Variants in COPB2 observed in about 807,000 individuals in gnomAD.
COPB2 encodes coat protein complex I subunit beta 2.
Under a neutral mutation model 120.8 loss-of-function variants are expected in COPB2, and 16 were observed. That is an observed-to-expected ratio of 0.13 (90% confidence interval 0.09 to 0.20). The LOEUF (loss-of-function observed/expected upper bound fraction) is 0.20, where lower values mean the gene tolerates loss of function less well. Ranked by LOEUF, COPB2 falls within the 10% of genes least tolerant of loss-of-function variation. COPB2 has a pLI of 1.00. For missense variants in COPB2, 794 were observed against 1,076.5 expected, an observed-to-expected ratio of 0.74 and a Z score of 3.67; for synonymous variants, 332 against 366.3, an observed-to-expected ratio of 0.91 and a Z score of 1.07.
At position 139,379,453 on chromosome 3, in the gene COPB2, G is replaced by A. The variant is rs1470639058; in HGVS notation, c.155C>T (p.Thr52Ile). The A allele has an allele frequency of 6.2e-7, 1 of 1,613,588 alleles. No individual in the cohort carries two copies. The highest frequency in any genetic ancestry group is 1.7e-5 in the Admixed American group (1 of 59,944). Residue 52 changes from threonine to isoleucine, a missense_variant, in exon 3 of 22, where the codon ACA (threonine) becomes ATA (isoleucine). Transcript: ENST00000333188. ...AACAGGAAGATCACATACTTCAAAT[G>A]TCTTCACCAGTGTCTTTAAAATGTA... ...WNHETQTLVK[T>I]FEVCDLPVRA...
chr3:139,388,913 G>A (rs1941991498), intron 1 of COPB2, among the ~76,000 whole-genome samples: 1 of 151,598 alleles, frequency 6.6e-6, no homozygotes, highest in Non-Finnish European at 1.5e-5. Context: ...TTAGGGTTAC[G>A]GTGATAATAA....
intron 16 of COPB2, among the ~76,000 whole-genome samples, chr3:139,361,813 G>A (rs1941424277): frequency 6.6e-6 from 1 of 152,170 alleles, no homozygotes; most frequent in Non-Finnish European, 1.5e-5. Context: ...ACAATTGGGA[G>A]CCTCAATATA....
chr3:139,387,211 G>A, intron 1 of COPB2, among the ~76,000 whole-genome samples: 1 of 147,894 alleles, frequency 6.8e-6, no homozygotes, highest in African/African-American at 2.5e-5. Flanking sequence ...ATTCTGTCAA[G>A]AAAGAAAGAA....
In COPB2 at chr3:139,373,333, G is replaced by A; in HGVS notation, c.974C>T (p.Ala325Val). The A allele has an allele frequency of 1.2e-6, 2 of 1,614,074 alleles. No individual in the cohort carries two copies. Among genetic ancestry groups the A allele is most frequent in the Non-Finnish European group, 1.7e-6 (2 of 1,180,024 alleles). ...IWAKHSEVQQ[A>V]NLKAMGDAEI... is the part of the protein sequence containing the mutation. Reference sequence around the variant, plus strand: ...AGCATCTCCCATTGCTTTTAGGTTGGCCTGCTGGACTTCTGAATGCTTGGC... The same window carrying A: ...AGCATCTCCCATTGCTTTTAGGTTGACCTGCTGGACTTCTGAATGCTTGGC... Residue 325 changes from alanine to valine, a missense_variant, in exon 9 of 22, where the codon GCC (alanine) becomes GTC (valine). By Grantham distance (64) the Ala-to-Val change is moderately conservative. Transcript: ENST00000333188.
chr3:139,389,679 TC>T, upstream of COPB2: 1 of 1,021,834 alleles, frequency 9.8e-7, no homozygotes, highest in Non-Finnish European at 1.4e-6. Flanking sequence ...CTCGCGATAG[TC>T]AGAGGCCAGG....
Position 139,383,328 on chromosome 3 carries a change from G to A in COPB2, c.111C>T (p.Gly37=), listed in dbSNP as rs372125796. The change falls in exon 2 of 22, where the codon GGC becomes GGT. Residue 37 remains glycine (G), a synonymous_variant. Coordinates refer to ENST00000333188, the MANE Select transcript of COPB2 (RefSeq NM_004766.3). ...EPWMLASLYN[G]SVCVWNHETQ... ...TTTCATGATTCCAAACACACACACTGCCATTGTAAAGACTTGCCAACATCC... is the reference window on the plus strand; with the variant it reads ...TTTCATGATTCCAAACACACACACTACCATTGTAAAGACTTGCCAACATCC... 2.6e-4 allele frequency: 417 copies of A among 1,613,806 alleles called. No homozygotes were observed. Among genetic ancestry groups the A allele is most frequent in the Non-Finnish European group, 3.4e-4 (406 of 1,179,904 alleles).
At chr3:139,377,865 T>A (rs1941742942) in intron 5 of COPB2, among the ~76,000 whole-genome samples, 176 bp downstream of exon 5, 1 of 152,228 alleles carries the variant, frequency 6.6e-6, no homozygotes, top group Admixed American at 6.5e-5. Flanking sequence ...GCCACAATAT[T>A]TTTCTAAACA....
In COPB2 at chr3:139,379,274, T is replaced by A; in HGVS notation, c.229-101A>T. 1.9e-6 allele frequency: 3 copies of A among 1,555,580 alleles called. No individual in the cohort carries two copies. The South Asian group carries it at 3.5e-5, about 18-fold the overall frequency. ...GGAATAAAGTCTATGCCTCAAAACA[T>A]TGCTGTAAATAACAAAACAAATCGG... On this transcript the variant is annotated intron_variant, in intron 3 of 21. Coordinates refer to ENST00000333188, the MANE Select transcript of COPB2 (RefSeq NM_004766.3).
At chr3:139,370,067 G>T (rs1400180794) in intron 10 of COPB2, among the ~76,000 whole-genome samples, 1 of 152,200 alleles carries the variant, frequency 6.6e-6, no homozygotes, top group Admixed American at 6.5e-5. Context: ...TGGATGGGGG[G>T]TATGGACAGA....
At chr3:139,388,280 CTAGCTTCGGCAGCACA>C (rs1219255868) in intron 1 of COPB2, 1 of 151,882 alleles carries the variant, frequency 6.6e-6, no homozygotes, top group East Asian at 1.9e-4. Flanking sequence ...ACGGATAGTG[CTAGCTTCGGCAGCACA>C]TAGAGAGGAG....
intron 10 of COPB2, among the ~76,000 whole-genome samples, chr3:139,371,031 A>T (rs1941615332): frequency 6.6e-6 from 1 of 152,226 alleles, no homozygotes; most frequent in Non-Finnish European, 1.5e-5. Flanking sequence ...AATGTGGGGC[A>T]AACAAAACTA....
chr3:139,373,631 C>T, intron 8 of COPB2, 35 bp downstream of exon 8: 1 of 1,612,408 alleles, frequency 6.2e-7, no homozygotes, highest in Non-Finnish European at 8.5e-7. Context: ...ATGGTTTTGC[C>T]TATGTCCACC....
rs776384424 is a variant in COPB2, at chr3:139,373,732, G to A, written c.828C>T (p.Cys276=). 5 of 1,613,916 alleles carry A rather than the reference G, an allele frequency of 3.1e-6. No individual in the cohort carries two copies. Among genetic ancestry groups the A allele is most frequent in the African/African-American group, 1.3e-5 (1 of 74,874 alleles). Residue 276 remains cysteine, a synonymous_variant, in exon 8 of 22, where the codon TGC becomes TGT. Coordinates refer to ENST00000333188, the MANE Select transcript of COPB2 (RefSeq NM_004766.3). ...TGTTTGACCCTCTTAGACTGGCCAC[G>A]CACCATACCCTCTCCATTCCATAAT... The part of the protein sequence containing the change: ...TLNYGMERVW[C]VASLRGSNNV...
At chr3:139,384,343 C>T (rs1373491650) in intron 1 of COPB2, among the ~76,000 whole-genome samples, 1 of 152,214 alleles carries the variant, frequency 6.6e-6, no homozygotes, top group Admixed American at 6.5e-5. Flanking sequence ...TACACATTCA[C>T]TAATTTCACC....
At chr3:139,378,938 C>T in intron 4 of COPB2, 109 bp downstream of exon 4, 1 of 1,221,814 alleles carries the variant, frequency 8.2e-7, no homozygotes, top group Non-Finnish European at 1.1e-6. Flanking sequence ...TTAAAGGCCG[C>T]TTGGAATTAG....
rs747584226 is a variant in COPB2 at position 139,358,776 on chromosome 3, C to T, written c.2521G>A (p.Asp841Asn). ...EERNVMEEGK[D>N]FQPSRSTAQQ... ...GCTGTAGATCTTGAGGGCTGAAAGT[C>T]TTTTCCCTCTTCCATGACATTTCTC... is the stretch of plus-strand genomic sequence containing the variant. The change falls in exon 20 of 22, where the codon GAC (aspartate) becomes AAC (asparagine). Residue 841 changes from aspartate to asparagine, a missense_variant. This residue lies in a region of COPB2 where 178 missense variants were observed against 183.2 expected (regional missense o/e 0.97). Coordinates refer to ENST00000333188, the MANE Select transcript of COPB2 (RefSeq NM_004766.3). 1.9e-6 allele frequency: 3 copies of T among 1,613,064 alleles called. No individual in the cohort carries two copies. The African/African-American group carries it at 4.0e-5, about 22-fold the overall frequency.
chr3:139,358,531 T>G (rs909160430), intron 20 of COPB2: 7 of 599,024 alleles, frequency 1.2e-5, no homozygotes, highest in Admixed American at 3.0e-5. Flanking sequence ...ACAAAAAAAT[T>G]AGCCGGACCG....
intron 10 of COPB2, among the ~76,000 whole-genome samples, chr3:139,369,762 C>T (rs1941588202): frequency 6.6e-6 from 1 of 152,172 alleles, no homozygotes; most frequent in Admixed American, 6.5e-5. Context: ...ACATGAATTA[C>T]TAGGGCTTAC....
intron 5 of COPB2, among the ~76,000 whole-genome samples, chr3:139,376,490 GAC>G (rs1941714678): frequency 6.6e-6 from 1 of 152,064 alleles, no homozygotes; most frequent in African/African-American, 2.4e-5. Context: ...CTGAAGATAA[GAC>G]AATTATTGTT....
Sources: allele counts gnomAD v4.1 joint callset (sites outside exome capture counted in the v4.1 genomes callset), GRCh38; gene constraint gnomAD v4.1.1; regional missense constraint gnomAD v4.1.1; transcripts MANE v1.5; gene names NCBI Gene and HGNC (gene_info 2026-07-23, HGNC 2026-07-21).